Variants in KIF26A observed in about 807,000 individuals in gnomAD.
The protein encoded by KIF26A is kinesin family member 26A, also known as kinesin-like protein KIF26A.
In KIF26A, 74 loss-of-function variants were observed where a neutral mutation model predicts 126.0. The observed-to-expected ratio is 0.59, with a 90% CI of 0.49 to 0.71. The LOEUF (loss-of-function observed/expected upper bound fraction) is 0.71, where lower values mean the gene tolerates loss of function less well. KIF26A is among the 30% of genes least tolerant of loss of function. KIF26A has a pLI of 0.00. For missense variants in KIF26A, 2,984 were observed against 2,763.3 expected, an observed-to-expected ratio of 1.08 and a Z score of -1.79; for synonymous variants, 1,445 against 1,232.7, an observed-to-expected ratio of 1.17 and a Z score of -3.61.
At position 104,138,647 on chromosome 14, in the gene KIF26A, G is replaced by C; in HGVS notation, c.-76G>C. On this transcript the variant is annotated 5_prime_UTR_variant, in exon 1 of 15. Coordinates refer to ENST00000423312, the MANE Select transcript of KIF26A (RefSeq NM_015656.2). ...CGGGCCATGGGGGCGCCTCGGGGCC[G>C]GATCACGTAGCCGCGGCGCCCCCGG... is the stretch of plus-strand genomic sequence containing the variant. 2.6e-6 allele frequency: 3 copies of C among 1,168,632 alleles called. No homozygotes were observed. Among genetic ancestry groups the C allele is most frequent in the Non-Finnish European group, 3.2e-6 (3 of 927,606 alleles). 72.4% of individuals were successfully genotyped at this position (1,168,632 alleles called of 1,614,324 possible).
intron 3 of KIF26A, among the ~76,000 whole-genome samples, chr14:104,154,185 C>G (rs533945922): frequency 6.6e-6 from 1 of 152,150 alleles, no homozygotes; most frequent in Non-Finnish European, 1.5e-5. Context: ...CACCACAGAC[C>G]GTCAACCACC....
In KIF26A at chr14:104,177,838, G is replaced by T; in HGVS notation, c.5050G>T (p.Gly1684Trp). 1 of 1,566,682 alleles carries T rather than the reference G, an allele frequency of 6.4e-7. No individual in the cohort carries two copies. Among genetic ancestry groups the T allele is most frequent in the East Asian group, 2.3e-5 (1 of 43,660 alleles). ...SSAPDSMSES[G>W]AASPGARTRS... ...CGCCCCTGACTCCATGAGCGAGAGT[G>T]GGGCTGCCTCCCCAGGCGCCCGCAC... is the stretch of plus-strand genomic sequence containing the variant. Residue 1684 changes from glycine (G) to tryptophan (W), a missense_variant, in exon 12 of 15, where the codon GGG becomes TGG. Physicochemically the swap from Gly to Trp is radical, Grantham distance 184. Coordinates refer to ENST00000423312, the MANE Select transcript of KIF26A (RefSeq NM_015656.2).
chr14:104,152,133 C>T lies in KIF26A; in HGVS notation c.407C>T (p.Thr136Ile). The T allele has an allele frequency of 6.2e-7, 1 of 1,611,700 alleles. No homozygotes were observed. ...DVCATHLQQLTREAMHLLQAP... is the reference protein window; with the variant it reads ...DVCATHLQQLIREAMHLLQAP... ...TGCGCCACACACCTGCAGCAGCTCA[C>T]ACGGGAGGCCATGCACCTGCTGCAG... The change falls in exon 3 of 15, where the codon ACA (threonine) becomes ATA (isoleucine). Residue 136 changes from threonine to isoleucine, a missense_variant. Transcript: ENST00000423312. This position sits in a 1 kb window ranked among gnomAD's most constrained non-coding sequence, Gnocchi z 5.9.
intron 6 of KIF26A, 45 bp downstream of exon 6, chr14:104,171,980 G>T: frequency 6.6e-7 from 1 of 1,523,534 alleles, no homozygotes; most frequent in South Asian, 1.2e-5. Flanking sequence ...CCCGGAGCCG[G>T]GCTGCTGGCT....
chr14:104,144,072 G>A (rs1487853062), intron 2 of KIF26A, among the ~76,000 whole-genome samples: 1 of 152,226 alleles, frequency 6.6e-6, no homozygotes, highest in African/African-American at 2.4e-5. Context: ...TGGGACCTGG[G>A]CTTTCTCTTC....
rs536129538 is a variant in KIF26A at position 104,166,962 on chromosome 14, G to T, written c.1027G>T (p.Val343Phe). ...CACCTACCCCACCGACTTCAGCGGGGTCCTGCAGCTGTGGCCGCCCCCGGC... is the reference window on the plus strand; with the variant it reads ...CACCTACCCCACCGACTTCAGCGGGTTCCTGCAGCTGTGGCCGCCCCCGGC... ...TSTYPTDFSG[V>F]LQLWPPPAPP... The change falls in exon 5 of 15, where the codon GTC (valine) becomes TTC (phenylalanine). Residue 343 changes from valine (V) to phenylalanine (F), a missense_variant. By Grantham distance (50) the Val-to-Phe change is conservative (BLOSUM62 -1). Coordinates refer to ENST00000423312, the MANE Select transcript of KIF26A (RefSeq NM_015656.2). 13 of 1,590,794 alleles carry T rather than the reference G, an allele frequency of 8.2e-6. No individual in the cohort carries two copies. In the Admixed American group the frequency reaches 1.2e-4, roughly 15 times the overall value.
In KIF26A at chr14:104,152,585, G is replaced by T. The variant is rs1459605484; in HGVS notation, c.735+124G>T. ...CTTCCCTGAAGGGAGGGGACGGCGG[G>T]CATGGGGGTTCCTGACACTCCTGAG... On this transcript the variant is annotated intron_variant, in intron 3 of 14. Coordinates refer to ENST00000423312, the MANE Select transcript of KIF26A (RefSeq NM_015656.2). This position sits in a 1 kb window ranked among gnomAD's most constrained non-coding sequence, Gnocchi z 5.9. The T allele has an allele frequency of 1.1e-6, 1 of 886,768 alleles. No individual in the cohort carries two copies. Among genetic ancestry groups the T allele is most frequent in the Non-Finnish European group, 1.7e-6 (1 of 601,820 alleles). The allele number at this position is 886,768 out of a possible 1,614,324, so 54.9% of individuals were successfully genotyped here.
Position 104,177,912 on chromosome 14 carries a change from T to C in KIF26A, c.5110+14T>C, listed in dbSNP as rs1393702635. On this transcript the variant is annotated intron_variant, in intron 12 of 14. Transcript: ENST00000423312. ...AGAGGGCCACAGGTGGGTGCAGAGG[T>C]GCACAGCCCTCTACAGTTTACGGGC... is the stretch of plus-strand genomic sequence containing the variant. 2.7e-6 allele frequency: 4 copies of C among 1,498,148 alleles called. No individual in the cohort carries two copies. In the African/African-American group the frequency reaches 5.6e-5, roughly 21 times the overall value. 92.8% of individuals were successfully genotyped at this position (1,498,148 alleles called of 1,614,324 possible).
In KIF26A at chr14:104,179,872, T is replaced by C; in HGVS notation, c.*82T>C. The C allele has an allele frequency of 8.6e-7, 1 of 1,163,802 alleles. No homozygotes were observed. The highest frequency in any genetic ancestry group is 2.3e-5 in the South Asian group (1 of 43,404). 72.1% of individuals were successfully genotyped at this position (1,163,802 alleles called of 1,614,324 possible). ...GACGGAGCGAGGATGTGGTGGGGGC[T>C]GCGGGGGGAGGATGCGGAGGGGTTT... On this transcript the variant is annotated 3_prime_UTR_variant, in exon 15 of 15. Coordinates refer to ENST00000423312, the MANE Select transcript of KIF26A (RefSeq NM_015656.2).
rs1185306544 is a variant in KIF26A, at chr14:104,163,805, G to A, written c.924-3054G>A. 7.3e-5 allele frequency among the ~76,000 whole-genome samples: 11 copies of A among 151,564 alleles called. No individual in the cohort carries two copies. In the East Asian group the frequency reaches 1.4e-3, roughly 19 times the overall value. On this transcript the variant is annotated intron_variant, in intron 4 of 14. Transcript: ENST00000423312. Reference sequence around the variant, plus strand: ...AGACCCCTGGACCTCACCCGGCATCGCCAGCATTTACCCAATACCGTGCCA... The same window carrying A: ...AGACCCCTGGACCTCACCCGGCATCACCAGCATTTACCCAATACCGTGCCA...
At chr14:104,173,903 T>A (rs2037987794) in intron 10 of KIF26A, 35 bp downstream of exon 10, 1 of 1,534,934 alleles carries the variant, frequency 6.5e-7, no homozygotes, top group East Asian at 2.3e-5. Context: ...CCGACCAGGG[T>A]GGCCCCTTGG....
In KIF26A at chr14:104,175,763, C is replaced by A; in HGVS notation, c.2975C>A (p.Pro992Gln). Reference sequence around the variant, plus strand: ...ATGAGTGGGCAGGTGGCTGGGTCCCCGATGCTTCCTGGGGCCACCTGCCCC... The same window carrying A: ...ATGAGTGGGCAGGTGGCTGGGTCCCAGATGCTTCCTGGGGCCACCTGCCCC... ...VGMSGQVAGS[P>Q]MLPGATCPRL... The change falls in exon 12 of 15, where the codon CCG (proline) becomes CAG (glutamine). Residue 992 changes from proline to glutamine, a missense_variant. Coordinates refer to ENST00000423312, the MANE Select transcript of KIF26A (RefSeq NM_015656.2). 6.5e-7 allele frequency: 1 copy of A among 1,539,062 alleles called. No individual in the cohort carries two copies. Among genetic ancestry groups the A allele is most frequent in the East Asian group, 2.4e-5 (1 of 40,914 alleles).
chr14:104,152,422 T>C lies in KIF26A; in HGVS notation c.696T>C (p.Ser232=). ...AGCAGTGCCTGGAGGGCATGTGGAG[T>C]GTCTCGCGGGTCAACAGCTTCCTCC... ...QAQQCLEGMW[S]VSRVNSFLPP... Residue 232 remains serine, a synonymous_variant, in exon 3 of 15, where the codon AGT becomes AGC. Coordinates refer to ENST00000423312, the MANE Select transcript of KIF26A (RefSeq NM_015656.2). This position sits in a 1 kb window ranked among gnomAD's most constrained non-coding sequence, Gnocchi z 5.9. The C allele has an allele frequency of 6.3e-7, 1 of 1,595,090 alleles. No individual in the cohort carries two copies. Among genetic ancestry groups the C allele is most frequent in the Non-Finnish European group, 8.5e-7 (1 of 1,172,262 alleles).
At chr14:104,150,208 CTCCT>C (rs1168642090) in intron 2 of KIF26A, among the ~76,000 whole-genome samples, 1 of 82,670 alleles carries the variant, frequency 1.2e-5, no homozygotes, top group Non-Finnish European at 3.1e-5. Flanking sequence ...CCCCCACCCC[CTCCT>C]CCTCCTCCTC....
At chr14:104,161,294 C>T (rs2141103454) in intron 4 of KIF26A, among the ~76,000 whole-genome samples, 1 of 150,808 alleles carries the variant, frequency 6.6e-6, no homozygotes, top group South Asian at 2.1e-4. Flanking sequence ...TGGCAGGTGC[C>T]CCTGGGGTGA....
At position 104,177,442 on chromosome 14, in the gene KIF26A, A is replaced by G. The variant is rs2038045435; in HGVS notation, c.4654A>G (p.Thr1552Ala). Reference sequence around the variant, plus strand: ...TGTCGGGGCGAAGGCTGGCCGGGGTACCGTCATGGGCACAAAGCAGGCGCT... The same window carrying G: ...TGTCGGGGCGAAGGCTGGCCGGGGTGCCGTCATGGGCACAAAGCAGGCGCT... ...PSVGAKAGRG[T>A]VMGTKQALRA... The change falls in exon 12 of 15, where the codon ACC (threonine) becomes GCC (alanine). Residue 1552 changes from threonine to alanine, a missense_variant. Physicochemically the swap from Thr to Ala is moderately conservative, Grantham distance 58. Transcript: ENST00000423312. 2 of 1,522,148 alleles carry G rather than the reference A, an allele frequency of 1.3e-6. No individual in the cohort carries two copies. Among genetic ancestry groups the G allele is most frequent in the Non-Finnish European group, 1.8e-6 (2 of 1,138,678 alleles). 94.3% of individuals were successfully genotyped at this position (1,522,148 alleles called of 1,614,324 possible).
In KIF26A at chr14:104,166,183, G is replaced by GCCACAGGA. The variant is rs112128843; in HGVS notation, c.924-676_924-675insCCACAGGA. On this transcript the variant is annotated intron_variant, in intron 4 of 14. Coordinates refer to ENST00000423312, the MANE Select transcript of KIF26A (RefSeq NM_015656.2). ...AGCCCTGAGTGACGAGGGTGGCAGG[G>GCCACAGGA]GCCCAGGAGCTGGGCAGTGGCTCCA... Among the ~76,000 whole-genome samples the GCCACAGGA allele has an allele frequency of 2.1e-3, 301 of 146,096 alleles. 1 individual carries two copies. Among genetic ancestry groups the GCCACAGGA allele is most frequent in the Non-Finnish European group, 2.2e-3 (141 of 64,924 alleles).
intron 3 of KIF26A, among the ~76,000 whole-genome samples, chr14:104,157,337 C>T (rs1012997798): frequency 3.3e-5 from 5 of 152,294 alleles, no homozygotes; most frequent in East Asian, 1.9e-4. Flanking sequence ...CTAATTACGC[C>T]GCTGGGTGCT....
chr14:104,180,129 G>A lies in KIF26A; in HGVS notation c.*339G>A, dbSNP rs1017648927. 1.5e-4 allele frequency: 36 copies of A among 248,266 alleles called. No homozygotes were observed. The highest frequency in any genetic ancestry group is 1.8e-4 in the Non-Finnish European group (24 of 129,950). 15.4% of individuals were successfully genotyped at this position (248,266 alleles called of 1,614,324 possible). A position where few individuals can be genotyped will look rare whatever the true frequency, so the allele number is the denominator to read the frequency against. ...CGGCCCCGCTGCGCCTGTCCGGGCC[G>A]GGGCTGGCGCCGGTTGTGTTTGTGT... On this transcript the variant is annotated 3_prime_UTR_variant, in exon 15 of 15. Coordinates refer to ENST00000423312, the MANE Select transcript of KIF26A (RefSeq NM_015656.2).
Sources: allele counts gnomAD v4.1 joint callset (sites outside exome capture counted in the v4.1 genomes callset), GRCh38; gene constraint gnomAD v4.1.1; non-coding constraint Gnocchi (gnomAD v3.1); transcripts MANE v1.5; gene names NCBI Gene and HGNC (gene_info 2026-07-23, HGNC 2026-07-21).